APLF: variants seen among roughly 807,000 people sequenced by gnomAD.
The protein encoded by APLF is aprataxin and PNKP like factor.
In APLF, 61 loss-of-function variants were observed where a neutral mutation model predicts 55.6. The observed-to-expected ratio is 1.10, with a 90% CI of 0.89 to 1.36. The LOEUF is 1.36. Ranked by LOEUF, APLF falls within the 40% of genes most tolerant of loss-of-function variation. APLF has a pLI of 0.00. For missense variants in APLF, 611 were observed against 602.5 expected (o/e 1.01, Z -0.15); for synonymous variants, 207 against 214.8 (o/e 0.96, Z 0.32).
chr2:68,541,923 T>C (rs1490218486), intron 7 of APLF, among the ~76,000 whole-genome samples: 1 of 152,120 alleles, frequency 6.6e-6, no homozygotes, highest in Non-Finnish European at 1.5e-5. Flanking sequence ...AACAGTGTGG[T>C]ACTGGCATAA....
At position 68,529,195 on chromosome 2, in the gene APLF, C is replaced by T; in HGVS notation, c.804+2953C>T. On this transcript the variant is annotated intron_variant, in intron 6 of 9. Coordinates refer to ENST00000303795, the MANE Select transcript of APLF (RefSeq NM_173545.3). The surrounding 1 kb of genome is among the most constrained non-coding windows in gnomAD (Gnocchi z 4.4). The stretch of plus-strand genomic sequence containing the variant: ...GGCTCCAGACAACAGGAGGCAGGAC[C>T]CTCTGTGGGGTGCCCGTGTTCCAAG... 3 of 1,272,706 alleles carry T rather than the reference C, an allele frequency of 2.4e-6. No homozygotes were observed. The highest frequency in any genetic ancestry group is 1.1e-6 in the Non-Finnish European group (1 of 936,526). 78.8% of individuals were successfully genotyped at this position (1,272,706 alleles called of 1,614,324 possible).
intron 5 of APLF, among the ~76,000 whole-genome samples, chr2:68,521,000 T>C (rs1669882003): frequency 6.6e-6 from 1 of 152,080 alleles, no homozygotes; most frequent in Non-Finnish European, 1.5e-5. Context: ...CTTTCAGCAG[T>C]GTTTTGTACT....
intron 5 of APLF, among the ~76,000 whole-genome samples, chr2:68,518,655 AAT>A (rs2103967581): frequency 7.9e-6 from 1 of 125,894 alleles, no homozygotes; most frequent in African/African-American, 3.1e-5. Context: ...ATATATCATG[AAT>A]ATATAATAAA....
intron 8 of APLF, among the ~76,000 whole-genome samples, chr2:68,552,202 C>T (rs774865721): frequency 3.3e-5 from 5 of 152,074 alleles, no homozygotes; most frequent in East Asian, 3.9e-4. Flanking sequence ...CTCTGAAACA[C>T]GACTTGAGCT....
intron 9 of APLF, among the ~76,000 whole-genome samples, chr2:68,573,960 A>G (rs997151297): frequency 5.9e-5 from 9 of 152,152 alleles, no homozygotes; most frequent in African/African-American, 1.7e-4. Context: ...AGGTTCTCAT[A>G]GACAATCAAA....
chr2:68,568,534 C>T (rs991176437), intron 9 of APLF, among the ~76,000 whole-genome samples: 1 of 151,970 alleles, frequency 6.6e-6, no homozygotes, highest in African/African-American at 2.4e-5. Flanking sequence ...CATGGTGTGG[C>T]AGTTATGGTA....
At chr2:68,519,057 A>AATAATATATAATATATT (rs1669803242) in intron 5 of APLF, among the ~76,000 whole-genome samples, 2 of 112,750 alleles carry the variant, frequency 1.8e-5, no homozygotes, top group African/African-American at 3.5e-5. Flanking sequence ...TATAATATAT[A>AATAATATATAATATATT]ATTAATATAT....
At chr2:68,494,277 CAAAAAAAAA>C (rs59466460) in intron 2 of APLF, among the ~76,000 whole-genome samples, 3 of 49,546 alleles carry the variant, frequency 6.1e-5, no homozygotes, top group Admixed American at 2.7e-4. Flanking sequence ...GACCCCGTCT[CAAAAAAAAA>C]AAAAAAAAAA....
At chr2:68,483,183 G>A (rs1411353012) in intron 1 of APLF, among the ~76,000 whole-genome samples, 1 of 152,174 alleles carries the variant, frequency 6.6e-6, no homozygotes, top group African/African-American at 2.4e-5. Context: ...GGTCATGCAA[G>A]GGTGGGGAGC....
intron 7 of APLF, among the ~76,000 whole-genome samples, chr2:68,539,745 T>A (rs771210868): frequency 6.6e-6 from 1 of 152,120 alleles, no homozygotes; most frequent in Non-Finnish European, 1.5e-5. Flanking sequence ...TAGAAAAGAC[T>A]TCTTCAGTTT....
At chr2:68,489,468 C>G (rs948079631) in intron 1 of APLF, among the ~76,000 whole-genome samples, 2 of 152,142 alleles carry the variant, frequency 1.3e-5, no homozygotes, top group African/African-American at 4.8e-5. Flanking sequence ...AAAGGGAAAG[C>G]TTTGATTGGC....
chr2:68,516,599 C>A (rs991372208), intron 5 of APLF, among the ~76,000 whole-genome samples: 2 of 150,646 alleles, frequency 1.3e-5, no homozygotes, highest in African/African-American at 2.4e-5. Context: ...CCCGACCCTT[C>A]CTCCCAAGCC....
At chr2:68,572,377 T>C (rs1206562347) in intron 9 of APLF, among the ~76,000 whole-genome samples, 1 of 152,160 alleles carries the variant, frequency 6.6e-6, no homozygotes, top group Non-Finnish European at 1.5e-5. Flanking sequence ...TTAGGAATAT[T>C]GAGGCAAAAT....
chr2:68,487,263 T>C (rs1676213514), intron 1 of APLF, among the ~76,000 whole-genome samples: 1 of 152,140 alleles, frequency 6.6e-6, no homozygotes, highest in African/African-American at 2.4e-5. Flanking sequence ...CTTTACTGTG[T>C]TCTAGTTTGA....
intron 5 of APLF, among the ~76,000 whole-genome samples, chr2:68,517,508 A>G (rs1444079135): frequency 4.3e-5 from 6 of 140,514 alleles, no homozygotes; most frequent in Non-Finnish European, 7.6e-5. Context: ...TGTTATCACT[A>G]TATATTAATA....
chr2:68,505,900 G>A (rs1342222241), intron 3 of APLF, among the ~76,000 whole-genome samples: 2 of 151,954 alleles, frequency 1.3e-5, no homozygotes, highest in African/African-American at 4.8e-5. Context: ...TTCCCTCCCT[G>A]GTGGTGAGGC....
At chr2:68,485,529 C>A (rs1203482463) in intron 1 of APLF, among the ~76,000 whole-genome samples, 1 of 152,094 alleles carries the variant, frequency 6.6e-6, no homozygotes, top group Non-Finnish European at 1.5e-5. Context: ...TTTCCTTTGT[C>A]AGTAATCTGT....
intron 5 of APLF, chr2:68,515,517 T>A: frequency 1.1e-6 from 1 of 903,346 alleles, no homozygotes; most frequent in South Asian, 5.1e-5. Flanking sequence ...CAACTGCTTC[T>A]GTGCTACTGC....
In APLF at chr2:68,515,578, T is replaced by C. The variant is rs1263560367; in HGVS notation, c.622+1898T>C. On this transcript the variant is annotated intron_variant, in intron 5 of 9. Transcript: ENST00000303795. Reference sequence around the variant, plus strand: ...TCATTTCAAATACGTTTTCTTTCCCTTGGTAGATGTCCCACATAAAATATG... The same window carrying C: ...TCATTTCAAATACGTTTTCTTTCCCCTGGTAGATGTCCCACATAAAATATG... 6.1e-6 allele frequency: 6 copies of C among 984,458 alleles called. No homozygotes were observed. The Admixed American group carries it at 3.7e-4, about 61-fold the overall frequency. The allele number at this position is 984,458 out of a possible 1,614,324, so 61.0% of individuals were successfully genotyped here.
Sources: allele counts gnomAD v4.1 joint callset (sites outside exome capture counted in the v4.1 genomes callset), GRCh38; gene constraint gnomAD v4.1.1; non-coding constraint Gnocchi (gnomAD v3.1); transcripts MANE v1.5; gene names NCBI Gene and HGNC (gene_info 2026-07-23, HGNC 2026-07-21).